The following SPIRE1 variants were observed in gnomAD, a reference collection of about 807,000 sequenced individuals.
The protein encoded by SPIRE1 is spire type actin nucleation factor 1.
Under a neutral mutation model 94.1 loss-of-function variants are expected in SPIRE1, and 40 were observed. That is an observed-to-expected ratio of 0.43 (90% CI 0.33 to 0.55). The LOEUF is 0.55. SPIRE1 is among the 20% of genes least tolerant of loss of function. SPIRE1 has a pLI of 0.06. For synonymous variants in SPIRE1, 376 were observed against 371.7 expected (o/e 1.01, Z -0.13); for missense variants, 838 against 975.2 (o/e 0.86, Z 1.87).
At chr18:12,563,053 A>G (rs2035730982) in intron 2 of SPIRE1, among the ~76,000 whole-genome samples, 1 of 152,146 alleles carries the variant, frequency 6.6e-6, no homozygotes, top group Non-Finnish European at 1.5e-5. Flanking sequence ...GACAACACGA[A>G]TATGCTAATA....
chr18:12,507,870 A>G (rs2033889604), intron 5 of SPIRE1, among the ~76,000 whole-genome samples: 1 of 151,892 alleles, frequency 6.6e-6, no homozygotes, highest in Admixed American at 6.6e-5. Context: ...GACATGGCTG[A>G]GCGCAGTGGC....
chr18:12,455,651 G>C (rs1051329944), intron 12 of SPIRE1, among the ~76,000 whole-genome samples: 1 of 152,298 alleles, frequency 6.6e-6, no homozygotes, highest in Admixed American at 6.5e-5. Context: ...GCACTTGATT[G>C]GTGGATCTCA....
At chr18:12,605,217 A>G (rs1216373204) in intron 2 of SPIRE1, among the ~76,000 whole-genome samples, 1 of 152,242 alleles carries the variant, frequency 6.6e-6, no homozygotes, top group East Asian at 1.9e-4. Flanking sequence ...TCAATTTTTT[A>G]TCATAATTTT....
intron 4 of SPIRE1, among the ~76,000 whole-genome samples, chr18:12,519,940 A>G (rs1168823783): frequency 6.6e-6 from 1 of 152,204 alleles, no homozygotes; most frequent in Non-Finnish European, 1.5e-5. Context: ...CTAGGAATCT[A>G]CCTTACACTT....
intron 12 of SPIRE1, among the ~76,000 whole-genome samples, chr18:12,457,223 T>C (rs932283977): frequency 2.0e-5 from 3 of 152,224 alleles, no homozygotes; most frequent in Non-Finnish European, 4.4e-5. Context: ...AGTGAAATAA[T>C]TTCCATCCAG....
chr18:12,451,034 G>A, intron 16 of SPIRE1: 1 of 491,820 alleles, frequency 2.0e-6, no homozygotes, highest in South Asian at 2.2e-5. Context: ...AGGGGAGGAG[G>A]AGGAGGAGGA....
Position 12,479,708 on chromosome 18 carries a change from A to C in SPIRE1, c.1395T>G (p.Ser465=). ...RAPTLAELDS[S]ESEEETLHKS... is the part of the protein sequence containing the mutation. ...TGAACTGGGGCCTCACCTCAGACTC[A>C]GAGCTGTCCAGTTCGGCCAGAGTTG... The change falls in exon 10 of 17, where the codon TCT becomes TCG. Residue 465 remains serine, a synonymous_variant. Transcript: ENST00000409402. The C allele has an allele frequency of 6.2e-7, 1 of 1,611,162 alleles. No individual in the cohort carries two copies. Among genetic ancestry groups the C allele is most frequent in the Non-Finnish European group, 8.5e-7 (1 of 1,179,076 alleles).
intron 1 of SPIRE1, among the ~76,000 whole-genome samples, chr18:12,649,638 T>C (rs2038321667): frequency 1.3e-5 from 2 of 152,214 alleles, no homozygotes; most frequent in African/African-American, 4.8e-5. Context: ...TGACCTTCCA[T>C]ATATAACAAG....
intron 2 of SPIRE1, among the ~76,000 whole-genome samples, chr18:12,616,226 T>C (rs979158301): frequency 6.6e-6 from 1 of 152,210 alleles, no homozygotes; most frequent in African/African-American, 2.4e-5. Context: ...TGGTAGTCAT[T>C]ACTAAAGTTT....
upstream of SPIRE1, chr18:12,661,312 AAAG>A: frequency 1.0e-6 from 1 of 965,788 alleles, no homozygotes; most frequent in Non-Finnish European, 1.2e-6. Context: ...TCATCTCAAA[AAAG>A]AAGAAAAAAA....
chr18:12,468,303 C>A (rs2032205546), intron 10 of SPIRE1, among the ~76,000 whole-genome samples: 1 of 152,348 alleles, frequency 6.6e-6, no homozygotes, highest in Middle Eastern at 3.4e-3. Context: ...CAGCCCAGCA[C>A]TGGCCACACT....
chr18:12,531,621 G>A lies in SPIRE1; in HGVS notation c.729+3855C>T, dbSNP rs573219226. 3.3e-5 allele frequency among the ~76,000 whole-genome samples: 5 copies of A among 152,296 alleles called. No homozygotes were observed. In the South Asian group the frequency reaches 1.0e-3, roughly 32 times the overall value. The stretch of plus-strand genomic sequence containing the variant: ...GCCTCAGTTTACTAATTTGCAAAGA[G>A]TCACAGGATTGTTACAAGGATCAAA... On this transcript the variant is annotated intron_variant, in intron 4 of 16. Transcript: ENST00000409402.
intron 10 of SPIRE1, among the ~76,000 whole-genome samples, chr18:12,472,619 T>C (rs1024612949): frequency 5.9e-5 from 9 of 151,908 alleles, no homozygotes; most frequent in Middle Eastern, 3.4e-3. Context: ...TCCGCCTGCC[T>C]CAGCCTCTCA....
chr18:12,613,547 T>C (rs549572381), intron 2 of SPIRE1, among the ~76,000 whole-genome samples: 1 of 152,254 alleles, frequency 6.6e-6, no homozygotes, highest in East Asian at 1.9e-4. Context: ...AAGCATAAAA[T>C]ACACCCCAGA....
intron 2 of SPIRE1, among the ~76,000 whole-genome samples, chr18:12,569,539 GT>G (rs2035909994): frequency 6.6e-6 from 1 of 151,780 alleles, no homozygotes; most frequent in Admixed American, 6.6e-5. Flanking sequence ...AAACATAAGA[GT>G]ACCTGGACAG....
At chr18:12,538,328 T>TAA (rs1331366654) in intron 3 of SPIRE1, among the ~76,000 whole-genome samples, 1 of 152,196 alleles carries the variant, frequency 6.6e-6, no homozygotes, top group Non-Finnish European at 1.5e-5. Context: ...AATTAGGTTA[T>TAA]ATGACCTTGG....
intron 2 of SPIRE1, among the ~76,000 whole-genome samples, chr18:12,585,946 G>T: frequency 6.6e-6 from 1 of 152,042 alleles, no homozygotes; most frequent in East Asian, 1.9e-4. Flanking sequence ...ATATATGTAT[G>T]CATGTATGTA....
At chr18:12,569,206 G>A (rs983162224) in intron 2 of SPIRE1, among the ~76,000 whole-genome samples, 4 of 152,062 alleles carry the variant, frequency 2.6e-5, no homozygotes, top group Non-Finnish European at 5.9e-5. Flanking sequence ...AGCCAGGCAT[G>A]GTGGCAGGCA....
At chr18:12,609,324 G>A (rs1043131114) in intron 2 of SPIRE1, among the ~76,000 whole-genome samples, 1 of 152,100 alleles carries the variant, frequency 6.6e-6, no homozygotes, top group African/African-American at 2.4e-5. Flanking sequence ...AAGGACTATC[G>A]AGAGCCAAGC....
Sources: gnomAD v4.1 joint callset for allele counts (sites outside exome capture counted in the v4.1 genomes callset) on GRCh38, gnomAD v4.1.1 for gene constraint, MANE v1.5 for transcripts, NCBI Gene and HGNC (gene_info 2026-07-23, HGNC 2026-07-21) for gene names.